Variants in CLASP2 observed in about 807,000 individuals in gnomAD.
The protein encoded by CLASP2 is CLIP-associating protein 2.
Under a neutral mutation model 194.4 loss-of-function variants are expected in CLASP2, and 47 were observed. The ratio of observed to expected loss-of-function variants is 0.24; its 90% CI spans 0.19 to 0.31. The LOEUF (loss-of-function observed/expected upper bound fraction) is 0.31. Ranked by LOEUF, CLASP2 falls within the 10% of genes least tolerant of loss-of-function variation. The probability of loss-of-function intolerance (pLI) is 1.00; values close to 1 mark genes in which losing one functional copy is unlikely to be tolerated. For missense variants in CLASP2, 1,445 were observed against 1,823.6 expected, an observed-to-expected ratio of 0.79 and a Z score of 3.78; for synonymous variants, 619 against 633.5, an observed-to-expected ratio of 0.98 and a Z score of 0.34.
At chr3:33,664,962 G>A (rs1439852762) in intron 6 of CLASP2, among the ~76,000 whole-genome samples, 1 of 152,082 alleles carries the variant, frequency 6.6e-6, no homozygotes, top group Non-Finnish European at 1.5e-5. Flanking sequence ...TCAGCTGGGC[G>A]TGGTGGCACA....
rs796517983 is a variant in CLASP2 at position 33,585,050 on chromosome 3, G to T, written c.2069-130C>A. ...AGTATGGCAGGTTCTACGCTCAAAG[G>T]AAATAGACCGAGGAAGATTTAAATA... On this transcript the variant is annotated intron_variant, in intron 21 of 38. Coordinates refer to ENST00000682230, the MANE Select transcript of CLASP2 (RefSeq NM_001365631.1). The T allele has an allele frequency of 1.1e-5, 7 of 665,372 alleles. No individual in the cohort carries two copies. In the South Asian group the frequency reaches 1.9e-4, roughly 18 times the overall value. The allele number at this position is 665,372 out of a possible 1,614,324, so 41.2% of individuals were successfully genotyped here.
chr3:33,560,323 A>G (rs907147406), intron 28 of CLASP2, among the ~76,000 whole-genome samples: 2 of 151,524 alleles, frequency 1.3e-5, no homozygotes, highest in African/African-American at 2.4e-5. Flanking sequence ...GCTCACTGCA[A>G]CCTCCACCTC....
At chr3:33,717,736 C>G (rs930261335) in intron 1 of CLASP2, 72 bp downstream of exon 1, 276 of 1,488,882 alleles carry the variant, frequency 1.9e-4, no homozygotes, top group East Asian at 6.7e-4. Context: ...TTTCCCGGCC[C>G]GGCGCTCGCG....
intron 7 of CLASP2, among the ~76,000 whole-genome samples, chr3:33,657,153 G>C (rs956866819): frequency 3.8e-4 from 58 of 151,964 alleles, no homozygotes; most frequent in African/African-American, 1.4e-3. Flanking sequence ...ATCAGGTAGG[G>C]GCAGTATAAT....
At chr3:33,539,021 ATTT>A in intron 32 of CLASP2, 79 bp from the exon 33 acceptor site, 1 of 1,034,030 alleles carries the variant, frequency 9.7e-7, no homozygotes. Flanking sequence ...ATATAAGGAT[ATTT>A]ATAAAGACAG....
chr3:33,504,152 TG>T (rs1364054227), intron 37 of CLASP2: 3 of 152,204 alleles, frequency 2.0e-5, no homozygotes, highest in African/African-American at 7.2e-5. Context: ...GATTAGGTCC[TG>T]AGATGAACAA....
chr3:33,554,979 TAAAC>T, intron 29 of CLASP2: 1 of 152,242 alleles, frequency 6.6e-6, no homozygotes, highest in East Asian at 1.9e-4. Context: ...TCTTGATAAA[TAAAC>T]AATTAAAACA....
At chr3:33,571,297 C>G (rs62252154) in intron 25 of CLASP2, among the ~76,000 whole-genome samples, 150,518 of 150,518 alleles carry the variant, frequency 1, 75,259 homozygotes, top group Non-Finnish European at 1. Context: ...ACAGGCGTGA[C>G]CCACCGCGCC....
At position 33,644,851 on chromosome 3, in the gene CLASP2, A is replaced by G. The variant is rs759604864; in HGVS notation, c.768T>C (p.Ala256=). 1 of 1,610,106 alleles carries G rather than the reference A, an allele frequency of 6.2e-7. No individual in the cohort carries two copies. The highest frequency in any genetic ancestry group is 2.2e-5 in the East Asian group (1 of 44,824). The change falls in exon 8 of 39, where the codon GCT becomes GCC. Residue 256 remains alanine (A), a synonymous_variant. Transcript: ENST00000682230. ...ESVDGNRPSS[A]ASAFKVPAPK... ...GTGCAGGAACCTTGAAGGCTGATGC[A>G]GCTGATGATGGCCTATTTCCATCCA...
chr3:33,629,108 T>A (rs1271296919), intron 9 of CLASP2, among the ~76,000 whole-genome samples: 1 of 151,818 alleles, frequency 6.6e-6, no homozygotes, highest in African/African-American at 2.4e-5. Flanking sequence ...TAGAAAGAAG[T>A]GGGATGAAGT....
intron 7 of CLASP2, among the ~76,000 whole-genome samples, chr3:33,662,706 C>T (rs2085486337): frequency 1.3e-5 from 2 of 152,072 alleles, no homozygotes; most frequent in Non-Finnish European, 2.9e-5. Context: ...CTAAACTAAC[C>T]ACACTCTCTT....
chr3:33,643,456 C>T (rs1009367249), intron 8 of CLASP2, among the ~76,000 whole-genome samples: 17 of 151,900 alleles, frequency 1.1e-4, no homozygotes, highest in African/African-American at 4.1e-4. Flanking sequence ...AAACTATCTT[C>T]TAATGGGATA....
intron 20 of CLASP2, among the ~76,000 whole-genome samples, chr3:33,593,989 C>T (rs753784817): frequency 4.6e-5 from 7 of 152,024 alleles, no homozygotes; most frequent in South Asian, 2.1e-4. Context: ...GACTATAGGA[C>T]GGTGCCACCA....
At position 33,566,156 on chromosome 3, in the gene CLASP2, T is replaced by C. The variant is rs562836699; in HGVS notation, c.2766+576A>G. Among the ~76,000 whole-genome samples, 26 of 152,312 alleles carry C rather than the reference T, an allele frequency of 1.7e-4. 2 individuals carry two copies. The South Asian group carries it at 5.2e-3, about 30-fold the overall frequency. Reference sequence around the variant, plus strand: ...ATGTTAATATGCCCCCATTTCCTAATCTATGATTAAAGAACAAAGTGGAAA... The same window carrying C: ...ATGTTAATATGCCCCCATTTCCTAACCTATGATTAAAGAACAAAGTGGAAA... On this transcript the variant is annotated intron_variant, in intron 27 of 38. Coordinates refer to ENST00000682230, the MANE Select transcript of CLASP2 (RefSeq NM_001365631.1).
In CLASP2 at chr3:33,696,615, G is replaced by A. The variant is rs139082382; in HGVS notation, c.274+240C>T. 2.6e-5 allele frequency among the ~76,000 whole-genome samples: 4 copies of A among 151,762 alleles called. No homozygotes were observed. In the East Asian group the frequency reaches 7.8e-4, roughly 29 times the overall value. On this transcript the variant is annotated intron_variant, in intron 2 of 38. Coordinates refer to ENST00000682230, the MANE Select transcript of CLASP2 (RefSeq NM_001365631.1). ...CAAGTAGCTGGGATTACAGGCACAC[G>A]CCATCACACCTGGCTAATTTTTGTA...
At chr3:33,704,071 G>A (rs140940982) in intron 1 of CLASP2, among the ~76,000 whole-genome samples, 1 of 152,336 alleles carries the variant, frequency 6.6e-6, no homozygotes, top group Non-Finnish European at 1.5e-5. Flanking sequence ...ATCAGTGACT[G>A]CCAGGGATTG....
At chr3:33,572,429 C>CT (rs944151496) in intron 25 of CLASP2, among the ~76,000 whole-genome samples, 2 of 152,160 alleles carry the variant, frequency 1.3e-5, no homozygotes, top group African/African-American at 4.8e-5. Flanking sequence ...ACATCAAACT[C>CT]TTATTTCACA....
chr3:33,576,304 T>C (rs1488107221), intron 23 of CLASP2, 29 bp from the exon 24 acceptor site: 1 of 1,562,728 alleles, frequency 6.4e-7, no homozygotes, highest in African/African-American at 1.4e-5. Context: ...GAAAATAGAT[T>C]TGAAGGAGTC....
chr3:33,570,851 A>T, intron 25 of CLASP2, 61 bp from the exon 26 acceptor site: 5 of 1,323,278 alleles, frequency 3.8e-6, no homozygotes, highest in Non-Finnish European at 5.1e-6. Flanking sequence ...ATGTAAAAGT[A>T]ACTTTACATA....
Sources: allele counts gnomAD v4.1 joint callset (sites outside exome capture counted in the v4.1 genomes callset), GRCh38; gene constraint gnomAD v4.1.1; transcripts MANE v1.5; gene names NCBI Gene and HGNC (gene_info 2026-07-23, HGNC 2026-07-21).